The following SLMAP variants were observed in gnomAD, a reference collection of about 807,000 sequenced individuals.
SLMAP encodes the protein sarcolemma associated protein, also known as sarcolemmal membrane-associated protein.
A neutral mutation model predicts 128.8 loss-of-function variants in SLMAP; 44 were observed. The observed-to-expected ratio is 0.34, with a 90% CI of 0.27 to 0.44. The LOEUF is 0.44. SLMAP is among the 20% of genes least tolerant of loss of function. SLMAP has a pLI of 1.00. For missense variants in SLMAP, 787 were observed against 985.3 expected, an observed-to-expected ratio of 0.80 and a Z score of 2.69; for synonymous variants, 327 against 348.8, an observed-to-expected ratio of 0.94 and a Z score of 0.70.
intron 4 of SLMAP, among the ~76,000 whole-genome samples, chr3:57,842,069 C>T (rs781207133): frequency 1.3e-5 from 2 of 152,040 alleles, no homozygotes; most frequent in African/African-American, 2.4e-5. Context: ...TGTTTTTATA[C>T]CCAACATAAT....
At chr3:57,787,128 A>G (rs939367726) in intron 2 of SLMAP, among the ~76,000 whole-genome samples, 1 of 152,202 alleles carries the variant, frequency 6.6e-6, no homozygotes, top group Non-Finnish European at 1.5e-5. Flanking sequence ...TCTAATATCT[A>G]TAAGTTAAAT....
intron 2 of SLMAP, among the ~76,000 whole-genome samples, chr3:57,786,731 ATTTTTTTT>A (rs35138483): frequency 2.3e-5 from 2 of 88,764 alleles, no homozygotes; most frequent in African/African-American, 9.3e-5. Flanking sequence ...TAGTCTTTGT[ATTTTTTTT>A]TTTTTTTTTT....
At chr3:57,858,856 C>A (rs1279588385) in intron 8 of SLMAP, among the ~76,000 whole-genome samples, 1 of 152,032 alleles carries the variant, frequency 6.6e-6, no homozygotes, top group Non-Finnish European at 1.5e-5. Context: ...ACAGGAGAAT[C>A]CCTTGAACCC....
At chr3:57,761,775 C>T (rs1412102860) in intron 2 of SLMAP, among the ~76,000 whole-genome samples, 3 of 151,000 alleles carry the variant, frequency 2.0e-5, no homozygotes, top group Non-Finnish European at 3.0e-5. Context: ...AGGCCGGGCG[C>T]GGTGGCTCAC....
Position 57,890,058 on chromosome 3 carries a change from G to C in SLMAP, c.1318G>C (p.Gly440Arg). Residue 440 changes from glycine (G) to arginine (R), a missense_variant, in exon 15 of 25, where the codon GGG becomes CGG. Gly to Arg is a moderately radical substitution (Grantham distance 125). Around this residue, in one of 2 missense-constraint regions of SLMAP, gnomAD observed 715 missense variants for 843.6 expected, o/e 0.85. Coordinates refer to ENST00000671191, the MANE Select transcript of SLMAP (RefSeq NM_001377540.1). The part of the protein sequence containing the change: ...IECQKKLIVE[G>R]HLTKAVEETK... The stretch of plus-strand genomic sequence containing the variant: ...CTTGGCAGAGAAGCTGATCGTCGAA[G>C]GGCATCTAACCAAAGCGGTAGAAGA... The C allele has an allele frequency of 6.2e-7, 1 of 1,613,602 alleles. No individual in the cohort carries two copies. Among genetic ancestry groups the C allele is most frequent in the Non-Finnish European group, 8.5e-7 (1 of 1,179,550 alleles).
At chr3:57,778,558 TTTTC>T (rs1228693384) in intron 2 of SLMAP, among the ~76,000 whole-genome samples, 7 of 148,712 alleles carry the variant, frequency 4.7e-5, no homozygotes, top group Admixed American at 2.0e-4. Flanking sequence ...CTAGTTTCTC[TTTTC>T]TTTCTTTCTT....
At chr3:57,767,791 A>G (rs1417924825) in intron 2 of SLMAP, among the ~76,000 whole-genome samples, 1 of 152,230 alleles carries the variant, frequency 6.6e-6, no homozygotes, top group Non-Finnish European at 1.5e-5. Context: ...AAAGCCAACT[A>G]TTAGACATTT....
chr3:57,896,466 A>G, intron 15 of SLMAP, 45 bp from the exon 16 acceptor site: 1 of 1,534,278 alleles, frequency 6.5e-7, no homozygotes. Context: ...TTGATATAAG[A>G]TATTTAACTG....
chr3:57,925,715 G>A (rs2096995169), intron 23 of SLMAP, 130 bp from the exon 24 acceptor site: 3 of 659,084 alleles, frequency 4.6e-6, no homozygotes, highest in East Asian at 2.7e-5. Context: ...TTGAATCTGT[G>A]TAAAACCTGA....
At chr3:57,840,615 AG>A (rs1483306466) in intron 3 of SLMAP, among the ~76,000 whole-genome samples, 1 of 152,214 alleles carries the variant, frequency 6.6e-6, no homozygotes, top group Admixed American at 6.5e-5. Context: ...TAGGAAAAGG[AG>A]GAAGTAAGAT....
intron 2 of SLMAP, 80 bp from the exon 3 acceptor site, chr3:57,831,303 G>A (rs2093324314): frequency 2.8e-6 from 3 of 1,055,286 alleles, no homozygotes; most frequent in Non-Finnish European, 3.8e-6. Context: ...TGGCAAAGCT[G>A]GAAGCATTTT....
intron 22 of SLMAP, 33 bp downstream of exon 22, chr3:57,917,110 G>C: frequency 6.2e-7 from 1 of 1,612,522 alleles, no homozygotes; most frequent in Non-Finnish European, 8.5e-7. Context: ...GCCCAATTAT[G>C]GTTGGACTTA....
chr3:57,907,081 G>T (rs953371494), intron 17 of SLMAP, among the ~76,000 whole-genome samples: 1 of 151,844 alleles, frequency 6.6e-6, no homozygotes, highest in Non-Finnish European at 1.5e-5. Context: ...AGGCTGGAGC[G>T]CAGTGGCGCG....
chr3:57,903,050 A>C (rs762625034), intron 17 of SLMAP, among the ~76,000 whole-genome samples: 16 of 152,226 alleles, frequency 1.1e-4, no homozygotes, highest in Non-Finnish European at 2.1e-4. Context: ...TATAGACAGA[A>C]GATAGGAACT....
intron 2 of SLMAP, among the ~76,000 whole-genome samples, chr3:57,813,017 G>A (rs1014560777): frequency 1.3e-5 from 2 of 151,042 alleles, no homozygotes; most frequent in Non-Finnish European, 2.9e-5. Context: ...TTTTTTTCTG[G>A]ACCATTTAGG....
chr3:57,863,120 G>T (rs961546347), intron 10 of SLMAP, among the ~76,000 whole-genome samples: 1 of 152,212 alleles, frequency 6.6e-6, no homozygotes, highest in African/African-American at 2.4e-5. Context: ...AACAAGCCCA[G>T]AGAGAATCTG....
intron 22 of SLMAP, among the ~76,000 whole-genome samples, chr3:57,919,660 G>A (rs1424216716): frequency 6.6e-6 from 1 of 151,892 alleles, no homozygotes; most frequent in East Asian, 1.9e-4. Flanking sequence ...CAGGCATGGT[G>A]GCGCATGCCT....
rs75080223 is a variant in SLMAP, at chr3:57,851,154, A to G, written c.519+1338A>G. Reference sequence around the variant, plus strand: ...AGGAAGATTTAATAATTTATACAGTATCACATATCAAGTATATGGTAGAGC... The same window carrying G: ...AGGAAGATTTAATAATTTATACAGTGTCACATATCAAGTATATGGTAGAGC... On this transcript the variant is annotated intron_variant, in intron 6 of 24. Transcript: ENST00000671191. 4.9e-4 allele frequency among the ~76,000 whole-genome samples: 74 copies of G among 152,310 alleles called. No individual in the cohort carries two copies. The East Asian group carries it at 9.8e-3, about 20-fold the overall frequency.
rs1268067159 is a variant in SLMAP, at chr3:57,928,388, G to A, written c.*1099G>A. On this transcript the variant is annotated 3_prime_UTR_variant, in exon 25 of 25. Transcript: ENST00000671191. ...TGTGTCAGAGCTAATTCATGTTCAGGGTGAGCGTTGTACCTACCAACAAAT... is the reference window on the plus strand; with the variant it reads ...TGTGTCAGAGCTAATTCATGTTCAGAGTGAGCGTTGTACCTACCAACAAAT... 1 of 152,018 alleles carries A rather than the reference G, an allele frequency of 6.6e-6. No homozygotes were observed. The highest frequency in any genetic ancestry group is 1.5e-5 in the Non-Finnish European group (1 of 68,002). 9.4% of individuals were successfully genotyped at this position (152,018 alleles called of 1,614,324 possible).
Sources: gnomAD v4.1 joint callset for allele counts (sites outside exome capture counted in the v4.1 genomes callset) on GRCh38, gnomAD v4.1.1 for gene constraint, gnomAD v4.1.1 regional missense constraint, MANE v1.5 for transcripts, NCBI Gene and HGNC (gene_info 2026-07-23, HGNC 2026-07-21) for gene names.